The following BAG6 variants were observed in gnomAD, a reference collection of about 807,000 sequenced individuals.
BAG6 encodes the protein BAG cochaperone 6.
A neutral mutation model predicts 121.0 loss-of-function variants in BAG6; 22 were observed. The ratio of observed to expected loss-of-function variants is 0.18; its 90% CI spans 0.13 to 0.26. The LOEUF is 0.26. Among genes scored for constraint, BAG6 ranks in the 10% least tolerant of loss-of-function variants. The probability of loss-of-function intolerance (pLI) is 1.00; values close to 1 mark genes in which losing one functional copy is unlikely to be tolerated. For synonymous variants in BAG6, 583 were observed against 584.6 expected, an observed-to-expected ratio of 1.00 and a Z score of 0.04; for missense variants, 1,233 against 1,537.7, an observed-to-expected ratio of 0.80 and a Z score of 3.31.
Position 31,640,945 on chromosome 6 carries a change from G to A in BAG6, c.2788-7C>T. ...CCCCACGAGACATACGACGCTGAGG[G>A]ACAGAAAGCAGATTTAGAACACAAA... On this transcript the variant is annotated splice_region_variant and splice_polypyrimidine_tract_variant and intron_variant, in intron 20 of 25. Transcript: ENST00000676615. This position sits in a 1 kb window ranked among gnomAD's most constrained non-coding sequence, Gnocchi z 4.2. 1 of 1,611,044 alleles carries A rather than the reference G, an allele frequency of 6.2e-7. No homozygotes were observed. Among genetic ancestry groups the A allele is most frequent in the Non-Finnish European group, 8.5e-7 (1 of 1,178,896 alleles).
rs140624556 is a variant in BAG6, at chr6:31,646,509, G to A, written c.803C>T (p.Ala268Val). The A allele has an allele frequency of 6.5e-4, 1,054 of 1,612,596 alleles. 8 individuals are homozygous for A. The African/African-American group carries it at 8.9e-3, about 14-fold the overall frequency. Residue 268 changes from alanine to valine, a missense_variant, in exon 8 of 26, where the codon GCG becomes GTG. By Grantham distance (64) the Ala-to-Val change is moderately conservative. Coordinates refer to ENST00000676615, the MANE Select transcript of BAG6 (RefSeq NM_001387994.1). ...CTCCTGGAGCACCTCGACATACTCC[G>A]CAGGGGAAGGATGGCTGTGGACAAA... ...ETNAPNHPSPAEYVEVLQELQ... is the reference protein window; with the variant it reads ...ETNAPNHPSPVEYVEVLQELQ...
At position 31,643,102 on chromosome 6, in the gene BAG6, T is replaced by G; in HGVS notation, c.1770A>C (p.Pro590=). ...MQPVLVAQGT[P]GMAPPPAPAT... is the part of the protein sequence containing the mutation. The stretch of plus-strand genomic sequence containing the variant: ...CAGGGGCTGGCGGTGGAGCCATACC[T>G]GGGGTCCCCTGAGCTGTAAGAAACC... Residue 590 remains proline (P), a synonymous_variant, in exon 15 of 26, where the codon CCA becomes CCC. Transcript: ENST00000676615. The G allele has an allele frequency of 6.4e-7, 1 of 1,574,032 alleles. No homozygotes were observed.
chr6:31,645,486 G>T lies in BAG6; in HGVS notation c.1037C>A (p.Pro346Gln). Residue 346 changes from proline (P) to glutamine (Q), a missense_variant, in exon 9 of 26, where the codon CCA becomes CAA. Transcript: ENST00000676615. ...AGGCCGGACCACATGCAGGTGTCGT[G>T]GGGGCGTGCAGGCCAGATTGCAGCG... ...DLRCNLACTP[P>Q]RHLHVVRPMS... 4 of 1,613,118 alleles carry T rather than the reference G, an allele frequency of 2.5e-6. No individual in the cohort carries two copies. The highest frequency in any genetic ancestry group is 2.2e-5 in the East Asian group (1 of 44,882).
rs1428594549 is a variant in BAG6, at chr6:31,641,765, C to A, written c.2505+11G>T. The A allele has an allele frequency of 1.9e-6, 3 of 1,612,676 alleles. No homozygotes were observed. Among genetic ancestry groups the A allele is most frequent in the Non-Finnish European group, 2.5e-6 (3 of 1,179,624 alleles). On this transcript the variant is annotated intron_variant, in intron 17 of 25. Coordinates refer to ENST00000676615, the MANE Select transcript of BAG6 (RefSeq NM_001387994.1). The surrounding 1 kb of genome is among the most constrained non-coding windows in gnomAD (Gnocchi z 5.7). ...AAGAGGAGAGTTCTGGGGCCCCTGG[C>A]CTTCATTTACCCGGATGTTACTGGG...
At chr6:31,651,325 G>C (rs1265474333) in intron 2 of BAG6, among the ~76,000 whole-genome samples, 4 of 152,190 alleles carry the variant, frequency 2.6e-5, no homozygotes, top group African/African-American at 9.7e-5. Context: ...CATCACCTGA[G>C]GTAAGGAGTT....
At position 31,649,269 on chromosome 6, in the gene BAG6, C is replaced by T. The variant is rs775170307; in HGVS notation, c.353G>A (p.Arg118Gln). 8.1e-6 allele frequency: 13 copies of T among 1,613,110 alleles called. No homozygotes were observed. The highest frequency in any genetic ancestry group is 1.6e-4 in the Middle Eastern group (1 of 6,062). ...GTCATGAACAGAGGCCCCAGGCCCCCGAGTACCAGGGGGGGATCCCCCACC... is the reference window on the plus strand; with the variant it reads ...GTCATGAACAGAGGCCCCAGGCCCCTGAGTACCAGGGGGGGATCCCCCACC... The part of the protein sequence containing the change: ...THGGGSPPGT[R>Q]GPGASVHDRN... The change falls in exon 4 of 26, where the codon CGG (arginine) becomes CAG (glutamine). Residue 118 changes from arginine (R) to glutamine (Q), a missense_variant. By Grantham distance (43) the Arg-to-Gln change is conservative (BLOSUM62 1). Transcript: ENST00000676615.
In BAG6 at chr6:31,641,501, G is replaced by A. The variant is rs376858587; in HGVS notation, c.2559+38C>T. On this transcript the variant is annotated intron_variant, in intron 18 of 25. Transcript: ENST00000676615. This position sits in a 1 kb window ranked among gnomAD's most constrained non-coding sequence, Gnocchi z 5.7. ...GTGGAGGAGGCAGCTGCCTTGACCA[G>A]ACCCAGGAGAGGAAAGGAATAGAGA... 5.5e-5 allele frequency: 89 copies of A among 1,613,878 alleles called. No homozygotes were observed. Among genetic ancestry groups the A allele is most frequent in the Non-Finnish European group, 7.5e-5 (88 of 1,179,878 alleles).
rs781765003 is a variant in BAG6 at position 31,641,288 on chromosome 6, C to A, written c.2662+32G>T. 6 of 1,613,714 alleles carry A rather than the reference C, an allele frequency of 3.7e-6. No homozygotes were observed. The highest frequency in any genetic ancestry group is 8.5e-7 in the Non-Finnish European group (1 of 1,179,648). On this transcript the variant is annotated intron_variant, in intron 19 of 25. Coordinates refer to ENST00000676615, the MANE Select transcript of BAG6 (RefSeq NM_001387994.1). The surrounding 1 kb of genome is among the most constrained non-coding windows in gnomAD (Gnocchi z 5.7). ...GTGGCAGCCCTGCACATGCAACAGG[C>A]CCCACTTGCCCCCGCCTGGCCAGCC...
At position 31,643,985 on chromosome 6, in the gene BAG6, G is replaced by A. The variant is rs1277389762; in HGVS notation, c.1669-8C>T. 4.3e-6 allele frequency: 7 copies of A among 1,613,920 alleles called. No individual in the cohort carries two copies. Among genetic ancestry groups the A allele is most frequent in the Non-Finnish European group, 5.9e-6 (7 of 1,179,954 alleles). On this transcript the variant is annotated splice_region_variant and splice_polypyrimidine_tract_variant and intron_variant, in intron 13 of 25. Transcript: ENST00000676615. The stretch of plus-strand genomic sequence containing the variant: ...ACCCAGACCGGCGCCCTGCTGGATA[G>A]AGAGCAAGGGAGAATTTCAGACCTG...
At position 31,640,999 on chromosome 6, in the gene BAG6, G is replaced by A. The variant is rs1418633888; in HGVS notation, c.2788-61C>T. The A allele has an allele frequency of 5.0e-6, 8 of 1,601,318 alleles. No individual in the cohort carries two copies. Among genetic ancestry groups the A allele is most frequent in the African/African-American group, 1.3e-5 (1 of 74,262 alleles). On this transcript the variant is annotated intron_variant, in intron 20 of 25. Transcript: ENST00000676615. The surrounding 1 kb of genome is among the most constrained non-coding windows in gnomAD (Gnocchi z 4.2). Reference sequence around the variant, plus strand: ...CTCAACCACCTTTAGAAATAGATTAGATCCAGGTTACAGAATGTCAGTTTA... The same window carrying A: ...CTCAACCACCTTTAGAAATAGATTAAATCCAGGTTACAGAATGTCAGTTTA...
At position 31,642,365 on chromosome 6, in the gene BAG6, TGGA is replaced by T; in HGVS notation, c.2079_2081del (p.Pro698del). ...GCTGCTCTGGGGCAGGTGGTGGGGGTGGAGGAGGTGGGGGTGGTGGAGGGGCTG... is the reference window on the plus strand; with the variant it reads ...GCTGCTCTGGGGCAGGTGGTGGGGGTGGAGGTGGGGGTGGTGGAGGGGCTG... On this transcript the variant is annotated inframe_deletion, in exon 16 of 26. Coordinates refer to ENST00000676615, the MANE Select transcript of BAG6 (RefSeq NM_001387994.1). The T allele has an allele frequency of 2.9e-6, 1 of 342,458 alleles. No homozygotes were observed. Among genetic ancestry groups the T allele is most frequent in the African/African-American group, 1.0e-4 (1 of 9,700 alleles). 21.2% of individuals were successfully genotyped at this position (342,458 alleles called of 1,614,324 possible). A position where few individuals can be genotyped will look rare whatever the true frequency, so the allele number is the denominator to read the frequency against.
intron 4 of BAG6, 54 bp from the exon 5 acceptor site, chr6:31,649,018 A>G (rs1793357592): frequency 1.3e-6 from 2 of 1,512,436 alleles, no homozygotes; most frequent in Non-Finnish European, 1.8e-6. Context: ...TAAGGCCTCC[A>G]CACCTCCAAT....
rs1419649503 is a variant in BAG6, at chr6:31,646,780, T to G, written c.789-257A>C. On this transcript the variant is annotated intron_variant, in intron 7 of 25. Coordinates refer to ENST00000676615, the MANE Select transcript of BAG6 (RefSeq NM_001387994.1). ...GGCTAATTTTTGTTTTTTTTTTTTT[T>G]TTTTTTTTTTTGAGACAGAGTCTCG... Among the ~76,000 whole-genome samples, 18 of 132,698 alleles carry G rather than the reference T, an allele frequency of 1.4e-4. No individual in the cohort carries two copies. The South Asian group carries it at 1.5e-3, about 11-fold the overall frequency. The allele number at this position is 132,698 out of a possible 152,430, so 87.1% of individuals were successfully genotyped here.
chr6:31,647,993 T>C (rs1274884056), intron 6 of BAG6, 167 bp from the exon 7 acceptor site: 2 of 907,562 alleles, frequency 2.2e-6, no homozygotes, highest in Non-Finnish European at 3.0e-6. Context: ...TGACACAAAT[T>C]AGATGCATAA....
chr6:31,652,035 G>C (rs1355192099), intron 1 of BAG6: 1 of 408,936 alleles, frequency 2.4e-6, no homozygotes, highest in Non-Finnish European at 4.6e-6. Context: ...CAGGGAGCCA[G>C]TCAGATTAGG....
rs768458344 is a variant in BAG6, at chr6:31,646,536, C to A, written c.789-13G>T. On this transcript the variant is annotated splice_polypyrimidine_tract_variant and intron_variant, in intron 7 of 25. Transcript: ENST00000676615. ...AGGGGAAGGATGGCTGTGGACAAAC[C>A]CAAGGGGCAATGAGCCAAAGCCTTC... The A allele has an allele frequency of 6.2e-7, 1 of 1,611,474 alleles. No homozygotes were observed. Among genetic ancestry groups the A allele is most frequent in the Admixed American group, 1.7e-5 (1 of 59,884 alleles).
rs772999703 is a variant in BAG6 at position 31,643,970 on chromosome 6, G to A, written c.1676C>T (p.Ala559Val). ...CAACGAGGCATTGGTACCCAGACCG[G>A]CGCCCTGCTGGATAGAGAGCAAGGG... ...GPPVSGTLQG[A>V]GLGTNASLAQ... Residue 559 changes from alanine to valine, a missense_variant, in exon 14 of 26, where the codon GCC becomes GTC. Coordinates refer to ENST00000676615, the MANE Select transcript of BAG6 (RefSeq NM_001387994.1). 6.2e-7 allele frequency: 1 copy of A among 1,614,044 alleles called. No individual in the cohort carries two copies. The highest frequency in any genetic ancestry group is 1.1e-5 in the South Asian group (1 of 91,070).
chr6:31,645,007 C>T lies in BAG6; in HGVS notation c.1308G>A (p.Arg436=), dbSNP rs765261735. 6.2e-7 allele frequency: 1 copy of T among 1,611,266 alleles called. No homozygotes were observed. The highest frequency in any genetic ancestry group is 1.3e-5 in the African/African-American group (1 of 74,900). ...PAPPPATSHP[R]VIRISHQSVE... is the part of the protein sequence containing the mutation. ...CACTCTGGTGGGAAATCCGGATGAC[C>T]CTCGGGTGGCTGGTGGCTGGCGGGG... is the stretch of plus-strand genomic sequence containing the variant. The change falls in exon 10 of 26, where the codon AGG becomes AGA. Residue 436 remains arginine (R), a synonymous_variant. Transcript: ENST00000676615.
chr6:31,646,315 G>A, intron 8 of BAG6, 79 bp downstream of exon 8: 1 of 1,547,318 alleles, frequency 6.5e-7, no homozygotes, highest in Non-Finnish European at 8.7e-7. Context: ...GGGAGGGAAA[G>A]AGTTATCTGC....
Sources: allele counts gnomAD v4.1 joint callset (sites outside exome capture counted in the v4.1 genomes callset), GRCh38; gene constraint gnomAD v4.1.1; non-coding constraint Gnocchi (gnomAD v3.1); transcripts MANE v1.5; gene names NCBI Gene and HGNC (gene_info 2026-07-23, HGNC 2026-07-21).